The following FRMD4A variants were observed in gnomAD, a reference collection of about 807,000 sequenced individuals.
FRMD4A encodes FERM domain-containing protein 4A.
In FRMD4A, 29 loss-of-function variants were observed where a neutral mutation model predicts 129.1. The ratio of observed to expected loss-of-function variants is 0.22; its 90% CI spans 0.17 to 0.31. The LOEUF is 0.31. Ranked by LOEUF, FRMD4A falls within the 10% of genes least tolerant of loss-of-function variation. The probability of loss-of-function intolerance (pLI) is 1.00; values close to 1 mark genes in which losing one functional copy is unlikely to be tolerated. For missense variants in FRMD4A, 1,272 were observed against 1,375.8 expected (o/e 0.92, Z 1.19); for synonymous variants, 634 against 571.6 (o/e 1.11, Z -1.56).
chr10:13,868,078 A>G (rs948299782), intron 2 of FRMD4A, among the ~76,000 whole-genome samples: 1 of 150,756 alleles, frequency 6.6e-6, no homozygotes, highest in Non-Finnish European at 1.5e-5. Context: ...ACATAGTGAG[A>G]CCCCATCTCA....
chr10:14,102,949 T>G (rs924000323), intron 2 of FRMD4A, among the ~76,000 whole-genome samples: 2 of 152,220 alleles, frequency 1.3e-5, no homozygotes, highest in Non-Finnish European at 2.9e-5. Flanking sequence ...AGGTTTCATG[T>G]GGGGCAACCT....
Position 13,647,001 on chromosome 10 carries a change from G to A in FRMD4A, c.*37C>T, listed in dbSNP as rs2081156000. 9.2e-6 allele frequency: 9 copies of A among 982,206 alleles called. No homozygotes were observed. Among genetic ancestry groups the A allele is most frequent in the Non-Finnish European group, 1.1e-5 (9 of 826,580 alleles). 60.8% of individuals were successfully genotyped at this position (982,206 alleles called of 1,614,324 possible). On this transcript the variant is annotated 3_prime_UTR_variant, in exon 25 of 25. Transcript: ENST00000357447. Reference sequence around the variant, plus strand: ...TGGACATCAGCTAGTTCTGGATAGAGGGAGGAATCCAGGAAACAGCTATCA... The same window carrying A: ...TGGACATCAGCTAGTTCTGGATAGAAGGAGGAATCCAGGAAACAGCTATCA...
intron 2 of FRMD4A, among the ~76,000 whole-genome samples, chr10:14,028,326 G>A (rs1451744465): frequency 6.6e-6 from 1 of 152,152 alleles, no homozygotes; most frequent in Admixed American, 6.5e-5. Context: ...CTAGAAAAGA[G>A]GAGGCCTGAT....
chr10:14,200,768 C>G (rs1472683096), intron 2 of FRMD4A, among the ~76,000 whole-genome samples: 1 of 152,190 alleles, frequency 6.6e-6, no homozygotes, highest in Admixed American at 6.5e-5. Context: ...ATCAGCCCTT[C>G]CAGGCGCTTT....
At chr10:14,185,515 G>C (rs1014348807) in intron 2 of FRMD4A, among the ~76,000 whole-genome samples, 3 of 152,164 alleles carry the variant, frequency 2.0e-5, no homozygotes, top group South Asian at 2.1e-4. Context: ...ATTTTTTGGA[G>C]GTTTGTTGTA....
chr10:13,923,897 T>C (rs2095101021), intron 2 of FRMD4A, among the ~76,000 whole-genome samples: 6 of 152,160 alleles, frequency 3.9e-5, no homozygotes, highest in Admixed American at 2.0e-4. Flanking sequence ...TGGCACAGTA[T>C]TGAAGGGGAG....
intron 2 of FRMD4A, among the ~76,000 whole-genome samples, chr10:14,289,292 T>G (rs72778702): frequency 0.016 from 2,420 of 152,066 alleles, 56 homozygotes; most frequent in South Asian, 0.063. Flanking sequence ...GTCTTTTGGG[T>G]TTTTTTTAAA....
chr10:13,896,217 CAT>C (rs961791153), intron 2 of FRMD4A, among the ~76,000 whole-genome samples: 5 of 152,146 alleles, frequency 3.3e-5, no homozygotes, highest in African/African-American at 1.2e-4. Context: ...GACACATGCA[CAT>C]ATATGTTTAT....
At chr10:13,895,295 G>A (rs2094744757) in intron 2 of FRMD4A, among the ~76,000 whole-genome samples, 1 of 152,090 alleles carries the variant, frequency 6.6e-6, no homozygotes, top group South Asian at 2.1e-4. Context: ...GTGTCCATGT[G>A]TTCTCATCGT....
intron 2 of FRMD4A, among the ~76,000 whole-genome samples, chr10:14,325,123 A>G (rs1040490775): frequency 2.0e-5 from 3 of 152,364 alleles, no homozygotes; most frequent in Non-Finnish European, 2.9e-5. Context: ...TTTGAAAAAC[A>G]TAGAGATTAT....
chr10:14,249,003 A>G (rs530618629), intron 2 of FRMD4A, among the ~76,000 whole-genome samples: 210 of 152,280 alleles, frequency 1.4e-3, no homozygotes, highest in Middle Eastern at 3.4e-3. Flanking sequence ...CTACGTTTTG[A>G]CATACGTGAT....
At chr10:14,184,020 G>T (rs770363116) in intron 2 of FRMD4A, among the ~76,000 whole-genome samples, 35 of 151,384 alleles carry the variant, frequency 2.3e-4, no homozygotes, top group Non-Finnish European at 5.9e-5. Context: ...TTCCAAGCAT[G>T]TTTTTACCTG....
rs755470360 is a variant in FRMD4A at position 13,747,789 on chromosome 10, C to T, written c.495G>A (p.Lys165=). ...SNEVVRSDLK[K]LPALPTQALK... ...GGGCTTGGGTGGGAAGGGCTGGCAG[C>T]TTCTTCAAGTCACTCCTCACAACTT... Residue 165 remains lysine (K), a synonymous_variant, in exon 9 of 25, where the codon AAG becomes AAA. Coordinates refer to ENST00000357447, the MANE Select transcript of FRMD4A (RefSeq NM_018027.5). 3 of 1,605,292 alleles carry T rather than the reference C, an allele frequency of 1.9e-6. No individual in the cohort carries two copies. Among genetic ancestry groups the T allele is most frequent in the South Asian group, 2.2e-5 (2 of 90,886 alleles).
intron 2 of FRMD4A, among the ~76,000 whole-genome samples, chr10:14,101,487 C>T (rs1837299343): frequency 6.6e-6 from 1 of 152,132 alleles, no homozygotes; most frequent in African/African-American, 2.4e-5. Context: ...TGCTCTATTC[C>T]AATTTAGGTG....
At chr10:14,028,964 G>A (rs151043241) in intron 2 of FRMD4A, among the ~76,000 whole-genome samples, 23 of 152,258 alleles carry the variant, frequency 1.5e-4, no homozygotes, top group East Asian at 7.7e-4. Context: ...CACTTTAACC[G>A]TTGATCAAAG....
At chr10:13,965,141 T>C (rs967041058) in intron 2 of FRMD4A, among the ~76,000 whole-genome samples, 15 of 151,726 alleles carry the variant, frequency 9.9e-5, no homozygotes, top group Non-Finnish European at 1.2e-4. Context: ...AGGAATATAT[T>C]TGAGGTCCAC....
intron 2 of FRMD4A, among the ~76,000 whole-genome samples, chr10:14,121,286 T>A (rs2131811068): frequency 6.6e-6 from 1 of 152,310 alleles, no homozygotes; most frequent in East Asian, 1.9e-4. Context: ...GAGAATTGCC[T>A]GAACCTGGGA....
rs192327372 is a variant in FRMD4A, at chr10:13,966,344, T to C, written c.46-107432A>G. Among the ~76,000 whole-genome samples, 576 of 152,316 alleles carry C rather than the reference T, an allele frequency of 3.8e-3. 8 individuals carry two copies. The highest frequency in any genetic ancestry group is 0.013 in the African/African-American group (545 of 41,570). On this transcript the variant is annotated intron_variant, in intron 2 of 24. Transcript: ENST00000357447. ...TTTAAGTCTCCCCCACCCCCAATTA[T>C]ATTAAGTTGGTGCAAAAGCAATGGC...
At chr10:14,038,328 A>G (rs1369302605) in intron 2 of FRMD4A, among the ~76,000 whole-genome samples, 1 of 152,216 alleles carries the variant, frequency 6.6e-6, no homozygotes, top group Non-Finnish European at 1.5e-5. Context: ...GTCTCAAAAT[A>G]AATAAATAAA....
Sources: allele counts gnomAD v4.1 joint callset (sites outside exome capture counted in the v4.1 genomes callset), GRCh38; gene constraint gnomAD v4.1.1; transcripts MANE v1.5; gene names NCBI Gene and HGNC (gene_info 2026-07-23, HGNC 2026-07-21).